The following SNTG2 variants were observed in gnomAD, a reference collection of about 807,000 sequenced individuals.
SNTG2 encodes gamma-2-syntrophin.
In SNTG2, 74 loss-of-function variants were observed where a neutral mutation model predicts 70.9. The observed-to-expected ratio is 1.04, with a 90% CI of 0.86 to 1.27. SNTG2 has a LOEUF of 1.27. Among genes scored for constraint, SNTG2 ranks in the 50% most tolerant of loss-of-function variants. The probability of loss-of-function intolerance (pLI) is 0.00; values close to 1 mark genes in which losing one functional copy is unlikely to be tolerated. For missense variants in SNTG2, 717 were observed against 690.7 expected, an observed-to-expected ratio of 1.04 and a Z score of -0.43; for synonymous variants, 278 against 273.8, an observed-to-expected ratio of 1.02 and a Z score of -0.15.
chr2:1,092,939 T>C (rs1330255571), intron 2 of SNTG2, among the ~76,000 whole-genome samples: 1 of 152,232 alleles, frequency 6.6e-6, no homozygotes, highest in Non-Finnish European at 1.5e-5. Context: ...AAAGATTTTA[T>C]CTGATATGTT....
chr2:970,686 G>GT (rs1660709632), intron 1 of SNTG2, among the ~76,000 whole-genome samples: 1 of 147,194 alleles, frequency 6.8e-6, no homozygotes, highest in Non-Finnish European at 1.5e-5. Flanking sequence ...CATTTGGGTT[G>GT]GTTCCAAGTC....
intron 11 of SNTG2, among the ~76,000 whole-genome samples, chr2:1,244,649 T>TCC (rs1677292371): frequency 7.7e-6 from 1 of 130,326 alleles, no homozygotes; most frequent in Non-Finnish European, 1.6e-5. Context: ...TGAGCCAAGA[T>TCC]TGCACCACTG....
intron 2 of SNTG2, among the ~76,000 whole-genome samples, chr2:1,091,267 A>C (rs1026930929): frequency 2.0e-5 from 3 of 152,160 alleles, no homozygotes; most frequent in African/African-American, 7.2e-5. Flanking sequence ...AGTGCAGGCC[A>C]GGCTGACCAG....
Position 1,147,235 on chromosome 2 carries a change from T to C in SNTG2, c.411+9426T>C, listed in dbSNP as rs528370522. The stretch of plus-strand genomic sequence containing the variant: ...GGGTTGGGCTTGTGATGGTTAATAC[T>C]GAGTGTCAACTTGATTGGATTGAAG... On this transcript the variant is annotated intron_variant, in intron 6 of 16. Transcript: ENST00000308624. Among the ~76,000 whole-genome samples the C allele has an allele frequency of 4.6e-5, 7 of 152,346 alleles. 1 individual carries two copies. In the South Asian group the frequency reaches 1.4e-3, roughly 32 times the overall value.
chr2:1,025,653 G>T (rs536495141), intron 1 of SNTG2, among the ~76,000 whole-genome samples: 1 of 152,264 alleles, frequency 6.6e-6, no homozygotes, highest in Admixed American at 6.5e-5. Context: ...AGCCAGCGGT[G>T]CAGCGTCTCC....
At chr2:1,088,983 G>A (rs892012469) in intron 2 of SNTG2, among the ~76,000 whole-genome samples, 2 of 152,214 alleles carry the variant, frequency 1.3e-5, no homozygotes, top group Non-Finnish European at 2.9e-5. Flanking sequence ...GCTGGGAAAA[G>A]TGCAGATAAA....
chr2:956,846 G>A (rs904466216), intron 1 of SNTG2, among the ~76,000 whole-genome samples: 1 of 152,192 alleles, frequency 6.6e-6, no homozygotes, highest in African/African-American at 2.4e-5. Flanking sequence ...AATTTATTTT[G>A]TATTTATGCC....
At chr2:1,247,273 C>T in intron 11 of SNTG2, 54 bp from the exon 12 acceptor site, 2 of 1,096,498 alleles carry the variant, frequency 1.8e-6, no homozygotes, top group Non-Finnish European at 2.8e-6. Flanking sequence ...AACTCTGCTG[C>T]TGTGACAGTA....
At chr2:1,018,292 C>A (rs1057275878) in intron 1 of SNTG2, among the ~76,000 whole-genome samples, 1 of 152,172 alleles carries the variant, frequency 6.6e-6, no homozygotes, top group Non-Finnish European at 1.5e-5. Context: ...AGGAGACAAG[C>A]AGCCCTGGGG....
chr2:1,261,761 C>T (rs929310383), intron 13 of SNTG2, among the ~76,000 whole-genome samples: 6 of 152,166 alleles, frequency 3.9e-5, no homozygotes, highest in African/African-American at 7.2e-5. Flanking sequence ...TTGCTAAGCA[C>T]TTAGCTATGT....
intron 9 of SNTG2, among the ~76,000 whole-genome samples, chr2:1,225,590 G>A (rs947687414): frequency 6.6e-6 from 1 of 152,162 alleles, no homozygotes; most frequent in East Asian, 1.9e-4. Flanking sequence ...ACGGTTGGCA[G>A]GAAACATTGA....
At chr2:1,206,867 T>C (rs956559203) in intron 8 of SNTG2, among the ~76,000 whole-genome samples, 1 of 152,244 alleles carries the variant, frequency 6.6e-6, no homozygotes, top group East Asian at 1.9e-4. Context: ...AGTAGAATCC[T>C]CTATGCAATT....
intron 1 of SNTG2, among the ~76,000 whole-genome samples, chr2:966,807 C>T (rs1281717196): frequency 1.3e-5 from 2 of 151,856 alleles, no homozygotes; most frequent in African/African-American, 2.4e-5. Flanking sequence ...ATTAGCTGGG[C>T]ATGGTGGCGG....
rs1048973865 is a variant in SNTG2 at position 1,227,513 on chromosome 2, G to A, written c.720-10375G>A. Among the ~76,000 whole-genome samples the A allele has an allele frequency of 4.6e-5, 7 of 152,330 alleles. No individual in the cohort carries two copies. In the South Asian group the frequency reaches 6.2e-4, roughly 14 times the overall value. On this transcript the variant is annotated intron_variant, in intron 9 of 16. Transcript: ENST00000308624. ...TTGTTGGTGTGGGAGGGAGAGTCAC[G>A]GCAGACAGCCTTTGAGCTCGTCCGC...
chr2:1,138,968 CTG>C (rs1668575858), intron 6 of SNTG2, among the ~76,000 whole-genome samples: 2 of 152,148 alleles, frequency 1.3e-5, no homozygotes, highest in Admixed American at 1.3e-4. Flanking sequence ...CAGAATTCAT[CTG>C]TGTCTTCATT....
chr2:1,217,884 T>G (rs909371369), intron 9 of SNTG2, among the ~76,000 whole-genome samples: 27 of 152,076 alleles, frequency 1.8e-4, no homozygotes, highest in African/African-American at 6.5e-4. Context: ...CAAGACTGTT[T>G]TATTATCTCA....
At chr2:1,308,878 GA>G (rs201874455) in intron 15 of SNTG2, among the ~76,000 whole-genome samples, 12 of 151,744 alleles carry the variant, frequency 7.9e-5, no homozygotes. Context: ...TAAACGCTTT[GA>G]AAAAAAACAC....
chr2:1,359,255 C>A (rs1402312888), intron 16 of SNTG2, among the ~76,000 whole-genome samples: 1 of 152,048 alleles, frequency 6.6e-6, no homozygotes, highest in Non-Finnish European at 1.5e-5. Flanking sequence ...TCAAAGGTGT[C>A]AGGTGTGAGT....
intron 12 of SNTG2, 60 bp downstream of exon 12, chr2:1,247,503 G>A: frequency 8.4e-7 from 1 of 1,185,234 alleles, no homozygotes; most frequent in Non-Finnish European, 1.3e-6. Flanking sequence ...TCCTGTAGGA[G>A]GGGGAAAGCT....
Sources: gnomAD v4.1 joint callset for allele counts (sites outside exome capture counted in the v4.1 genomes callset) on GRCh38, gnomAD v4.1.1 for gene constraint, MANE v1.5 for transcripts, NCBI Gene and HGNC (gene_info 2026-07-23, HGNC 2026-07-21) for gene names.